Variants in PTPRD observed in about 807,000 individuals in gnomAD.
PTPRD encodes protein tyrosine phosphatase receptor type D.
Under a neutral mutation model 214.5 loss-of-function variants are expected in PTPRD, and 34 were observed. The observed-to-expected ratio is 0.16, with a 90% confidence interval of 0.12 to 0.21. PTPRD has a LOEUF of 0.21. Among genes scored for constraint, PTPRD ranks in the 10% least tolerant of loss-of-function variants. The pLI is 1.00. For synonymous variants in PTPRD, 1,128 were observed against 845.7 expected, an observed-to-expected ratio of 1.33 and a Z score of -5.79; for missense variants, 2,545 against 2,398.7, an observed-to-expected ratio of 1.06 and a Z score of -1.27.
intron 5 of PTPRD, among the ~76,000 whole-genome samples, chr9:9,918,729 G>A (rs1476585850): frequency 1.3e-5 from 2 of 152,028 alleles, no homozygotes; most frequent in Non-Finnish European, 2.9e-5. Context: ...AACCAATAGA[G>A]AATGCAGAAA....
rs540207922 is a variant in PTPRD at position 10,562,224 on chromosome 9, G to GTA, written c.-600+50172_-600+50173dup. Among the ~76,000 whole-genome samples the GTA allele has an allele frequency of 7.9e-4, 120 of 152,004 alleles. 1 individual carries two copies. The highest frequency in any genetic ancestry group is 2.7e-3 in the African/African-American group (111 of 41,488). On this transcript the variant is annotated intron_variant, in intron 2 of 45. Transcript: ENST00000381196. ...TCTGCCAAGTGTTCTTTTTACCTAT[G>GTA]TACTATGACCACTTCTCTGAACTCA...
intron 8 of PTPRD, among the ~76,000 whole-genome samples, chr9:9,434,649 C>G (rs527456546): frequency 6.6e-6 from 1 of 152,062 alleles, no homozygotes; most frequent in East Asian, 1.9e-4. Flanking sequence ...TAAACTAAAA[C>G]AGCATGGTAC....
At chr9:8,915,617 AT>A (rs2098779973) in intron 11 of PTPRD, among the ~76,000 whole-genome samples, 1 of 152,198 alleles carries the variant, frequency 6.6e-6, no homozygotes, top group Non-Finnish European at 1.5e-5. Flanking sequence ...AGGTGAGCTG[AT>A]GCGGCAGCTG....
chr9:9,946,070 T>A (rs10978122), intron 4 of PTPRD, among the ~76,000 whole-genome samples: 1 of 38,756 alleles, frequency 2.6e-5, no homozygotes, highest in Non-Finnish European at 3.7e-5. Context: ...GGGAAAGTCA[T>A]CCTTCACTTT....
intron 2 of PTPRD, among the ~76,000 whole-genome samples, chr9:10,351,589 A>C (rs1372375481): frequency 2.0e-5 from 3 of 151,994 alleles, no homozygotes; most frequent in African/African-American, 7.2e-5. Flanking sequence ...GAAACAGAGG[A>C]TCAAAAGCTA....
chr9:8,783,677 G>A (rs914255376), intron 11 of PTPRD, among the ~76,000 whole-genome samples: 1 of 152,110 alleles, frequency 6.6e-6, no homozygotes, highest in East Asian at 1.9e-4. Flanking sequence ...CCACTGCTTT[G>A]GTTTCCCAGA....
At chr9:9,106,167 G>A (rs2099798302) in intron 10 of PTPRD, among the ~76,000 whole-genome samples, 1 of 151,952 alleles carries the variant, frequency 6.6e-6, no homozygotes, top group Non-Finnish European at 1.5e-5. Flanking sequence ...CTGTGTTATA[G>A]GGCTTCAGGT....
Position 8,936,427 on chromosome 9 carries a change from C to CAAAAAAAAAAAAAAAAAAA in PTPRD, c.-104+82251_-104+82269dup, listed in dbSNP as rs1181403459. 1.5e-3 allele frequency among the ~76,000 whole-genome samples: 46 copies of CAAAAAAAAAAAAAAAAAAA among 31,620 alleles called. 3 individuals are homozygous for CAAAAAAAAAAAAAAAAAAA. The highest frequency in any genetic ancestry group is 1.8e-3 in the Non-Finnish European group (34 of 19,030). The allele number at this position is 31,620 out of a possible 152,430, so 20.7% of individuals were successfully genotyped here. On this transcript the variant is annotated intron_variant, in intron 11 of 45. Transcript: ENST00000381196. ...AGGCAACAGAGCAAGACCCTGCCTC[C>CAAAAAAAAAAAAAAAAAAA]AAAAAAAAAAAAAAAAAAAAAAAGA...
intron 11 of PTPRD, among the ~76,000 whole-genome samples, chr9:8,806,234 CT>C (rs910803871): frequency 2.5e-4 from 30 of 118,644 alleles, no homozygotes; most frequent in Admixed American, 4.6e-4. Flanking sequence ...CCAGCTTACA[CT>C]TTTTTTTTTG....
intron 7 of PTPRD, among the ~76,000 whole-genome samples, chr9:9,600,592 T>C (rs1592674835): frequency 1.3e-5 from 2 of 152,092 alleles, no homozygotes; most frequent in South Asian, 2.1e-4. Context: ...TATCTGTCTG[T>C]CAGCCCTATC....
chr9:9,774,605 C>T (rs943481275), intron 5 of PTPRD, among the ~76,000 whole-genome samples: 2 of 152,168 alleles, frequency 1.3e-5, no homozygotes, highest in Admixed American at 1.3e-4. Flanking sequence ...ATAAAACATT[C>T]TTTCTATATA....
intron 12 of PTPRD, among the ~76,000 whole-genome samples, chr9:8,683,776 G>A (rs1266452124): frequency 6.6e-6 from 1 of 152,202 alleles, no homozygotes; most frequent in Non-Finnish European, 1.5e-5. Context: ...AGGAGACACG[G>A]CTTCTGCCGA....
intron 12 of PTPRD, among the ~76,000 whole-genome samples, chr9:8,716,281 G>A (rs1397520895): frequency 6.6e-6 from 1 of 152,180 alleles, no homozygotes; most frequent in African/African-American, 2.4e-5. Context: ...GGATTTAAAT[G>A]AATAATTCAT....
chr9:9,176,929 G>C (rs1179901948), intron 10 of PTPRD, among the ~76,000 whole-genome samples: 1 of 152,098 alleles, frequency 6.6e-6, no homozygotes, highest in Non-Finnish European at 1.5e-5. Flanking sequence ...GTTCTAGATG[G>C]TTAGATGGTC....
At chr9:8,691,838 A>G (rs1482739836) in intron 12 of PTPRD, among the ~76,000 whole-genome samples, 1 of 152,138 alleles carries the variant, frequency 6.6e-6, no homozygotes, top group African/African-American at 2.4e-5. Context: ...TTATTCCTTC[A>G]TATTAGTCCC....
chr9:9,149,831 A>C (rs1185453485), intron 10 of PTPRD, among the ~76,000 whole-genome samples: 1 of 152,136 alleles, frequency 6.6e-6, no homozygotes, highest in Non-Finnish European at 1.5e-5. Flanking sequence ...CTGTTCCTTC[A>C]TGAGGGCGTA....
chr9:9,398,835 T>C (rs1569567982), intron 8 of PTPRD, among the ~76,000 whole-genome samples: 1 of 152,002 alleles, frequency 6.6e-6, no homozygotes, highest in Non-Finnish European at 1.5e-5. Flanking sequence ...AGCACCAAGA[T>C]GGAAGTTACT....
chr9:10,537,277 A>C (rs370023755), intron 2 of PTPRD, among the ~76,000 whole-genome samples: 1 of 152,164 alleles, frequency 6.6e-6, no homozygotes, highest in East Asian at 1.9e-4. Flanking sequence ...ATCTCTTACA[A>C]CTCAGCCTTC....
At chr9:9,167,235 T>C (rs1008631385) in intron 10 of PTPRD, among the ~76,000 whole-genome samples, 8 of 151,970 alleles carry the variant, frequency 5.3e-5, no homozygotes, top group Non-Finnish European at 8.8e-5. Context: ...ACAATTACCA[T>C]AGTAATGCTC....
Sources: gnomAD v4.1 joint callset for allele counts (sites outside exome capture counted in the v4.1 genomes callset) on GRCh38, gnomAD v4.1.1 for gene constraint, MANE v1.5 for transcripts, NCBI Gene and HGNC (gene_info 2026-07-23, HGNC 2026-07-21) for gene names.